The following ELAVL4 variants were observed in gnomAD, a reference collection of about 807,000 sequenced individuals.
The protein encoded by ELAVL4 is ELAV like RNA binding protein 4, also known as ELAV-like protein 4.
ELAVL4 carries 1 observed loss-of-function variant against 35.6 expected under a neutral mutation model. The observed-to-expected ratio is 0.03, with a 90% CI of 0.01 to 0.13. The LOEUF (loss-of-function observed/expected upper bound fraction) is 0.13. Among genes scored for constraint, ELAVL4 ranks in the 10% least tolerant of loss-of-function variants. ELAVL4 has a pLI of 1.00. For missense variants in ELAVL4, 267 were observed against 464.9 expected (o/e 0.57, Z 3.91); for synonymous variants, 156 against 171.0 (o/e 0.91, Z 0.69).
At chr1:50,064,188 A>G (rs898025979) in intron 1 of ELAVL4, among the ~76,000 whole-genome samples, 4 of 152,140 alleles carry the variant, frequency 2.6e-5, no homozygotes, top group African/African-American at 9.7e-5. Context: ...ACCCCTGGGA[A>G]GTTAGGTTGT....
intron 2 of ELAVL4, among the ~76,000 whole-genome samples, chr1:50,157,911 G>A (rs2148741217): frequency 6.6e-6 from 1 of 152,258 alleles, no homozygotes; most frequent in Non-Finnish European, 1.5e-5. Context: ...TAGGGTGTTT[G>A]TATATATAGA....
chr1:50,109,923 A>G (rs1404442065), intron 1 of ELAVL4: 35 of 1,612,296 alleles, frequency 2.2e-5, no homozygotes, highest in Non-Finnish European at 2.9e-5. Context: ...GTGAGGGTCC[A>G]TCTTCTTCTG....
chr1:50,085,491 A>C (rs553435755), intron 1 of ELAVL4, among the ~76,000 whole-genome samples: 10 of 152,198 alleles, frequency 6.6e-5, no homozygotes, highest in Non-Finnish European at 1.3e-4. Flanking sequence ...CAGCCTTCAT[A>C]ATCTGGGCAG....
chr1:50,062,562 T>G (rs1286058992), intron 1 of ELAVL4, among the ~76,000 whole-genome samples: 2 of 152,192 alleles, frequency 1.3e-5, no homozygotes, highest in African/African-American at 2.4e-5. Flanking sequence ...ATGCCTGCCT[T>G]GGGCCCTGGC....
intron 1 of ELAVL4, chr1:50,109,925 C>G: frequency 1.2e-6 from 2 of 1,612,206 alleles, no homozygotes; most frequent in Non-Finnish European, 1.7e-6. Context: ...GAGGGTCCAT[C>G]TTCTTCTGAT....
intron 1 of ELAVL4, among the ~76,000 whole-genome samples, chr1:50,138,307 T>C (rs1328002465): frequency 6.6e-6 from 1 of 152,110 alleles, no homozygotes; most frequent in Non-Finnish European, 1.5e-5. Flanking sequence ...CTGGAGATAA[T>C]AGATTGGCTT....
At chr1:50,167,987 C>A (rs1033018068) in intron 2 of ELAVL4, among the ~76,000 whole-genome samples, 2 of 152,202 alleles carry the variant, frequency 1.3e-5, no homozygotes, top group African/African-American at 4.8e-5. Context: ...GGCCATTTCT[C>A]CTTCTATGCA....
intron 2 of ELAVL4, among the ~76,000 whole-genome samples, chr1:50,146,266 C>G (rs1021429989): frequency 6.6e-5 from 10 of 151,940 alleles, no homozygotes; most frequent in Admixed American, 1.3e-4. Context: ...ATACATTCTT[C>G]TGTTCTCATA....
chr1:50,106,505 GA>G (rs891572455), upstream of ELAVL4: 634 of 669,280 alleles, frequency 9.5e-4, no homozygotes, highest in South Asian at 1.7e-3. Context: ...GATTGTGGCA[GA>G]AAAAAAAAAT....
chr1:50,189,637 C>T (rs888739120), intron 3 of ELAVL4, among the ~76,000 whole-genome samples: 26 of 151,826 alleles, frequency 1.7e-4, no homozygotes, highest in Non-Finnish European at 3.8e-4. Flanking sequence ...GGTTTTTTTC[C>T]GGTGAAATTG....
At chr1:50,096,504 C>G (rs562211064) in intron 1 of ELAVL4, among the ~76,000 whole-genome samples, 2 of 150,856 alleles carry the variant, frequency 1.3e-5, no homozygotes, top group African/African-American at 4.9e-5. Flanking sequence ...TATCAGGAAA[C>G]TTAAATAAAG....
chr1:50,075,472 C>A (rs1410760695), intron 1 of ELAVL4, among the ~76,000 whole-genome samples: 1 of 152,114 alleles, frequency 6.6e-6, no homozygotes, highest in African/African-American at 2.4e-5. Flanking sequence ...TAGAAGAGTA[C>A]TGAAGAGGAA....
intron 2 of ELAVL4, among the ~76,000 whole-genome samples, chr1:50,160,642 G>A (rs550076956): frequency 1.4e-4 from 21 of 152,290 alleles, no homozygotes; most frequent in African/African-American, 3.6e-4. Context: ...GAAAGGACAC[G>A]CTGACAGAGG....
At chr1:50,183,775 C>T (rs1681413449) in intron 3 of ELAVL4, among the ~76,000 whole-genome samples, 1 of 152,182 alleles carries the variant, frequency 6.6e-6, no homozygotes, top group South Asian at 2.1e-4. Context: ...CTTTTCTTTG[C>T]ATTCGGCATA....
At chr1:50,107,259 T>TAAA (rs1666412121), upstream of ELAVL4, among the ~76,000 whole-genome samples, 1 of 152,248 alleles carries the variant, frequency 6.6e-6, no homozygotes, top group Admixed American at 6.5e-5. Context: ...GAAATTACTT[T>TAAA]AAAAGTTTAC....
intron 1 of ELAVL4, among the ~76,000 whole-genome samples, chr1:50,095,922 T>C (rs897628064): frequency 6.6e-6 from 1 of 152,186 alleles, no homozygotes; most frequent in African/African-American, 2.4e-5. Flanking sequence ...AACTTCCACT[T>C]TCGAGTTTCT....
chr1:50,054,308 G>T (rs1193331547), intron 1 of ELAVL4, among the ~76,000 whole-genome samples: 1 of 152,166 alleles, frequency 6.6e-6, no homozygotes, highest in South Asian at 2.1e-4. Context: ...ATCTGGAAAA[G>T]GGAGGAAGGC....
chr1:50,173,890 G>A (rs1679489188), intron 2 of ELAVL4, among the ~76,000 whole-genome samples: 1 of 151,974 alleles, frequency 6.6e-6, no homozygotes. Flanking sequence ...TACAGATACA[G>A]ATACACTAGC....
rs1369439606 is a variant in ELAVL4, at chr1:50,145,035, A to C, written c.88A>C (p.Asn30His). Residue 30 changes from asparagine (N) to histidine (H), a missense_variant, in exon 2 of 7, where the codon AAC (asparagine) becomes CAC (histidine). Transcript: ENST00000371824. ...CAATGGACCCTCCAGCAACAACAGA[A>C]ACTGTCCTTCTCCCATGCAAACAGG... ...TSNGPSSNNR[N>H]CPSPMQTGAT... 6 of 1,613,874 alleles carry C rather than the reference A, an allele frequency of 3.7e-6. No homozygotes were observed. Among genetic ancestry groups the C allele is most frequent in the Non-Finnish European group, 5.1e-6 (6 of 1,179,938 alleles).
Sources: gnomAD v4.1 joint callset for allele counts (sites outside exome capture counted in the v4.1 genomes callset) on GRCh38, gnomAD v4.1.1 for gene constraint, MANE v1.5 for transcripts, NCBI Gene and HGNC (gene_info 2026-07-23, HGNC 2026-07-21) for gene names.